Variants in WWOX observed in about 807,000 individuals in gnomAD.
WWOX encodes the protein WW domain-containing oxidoreductase.
A neutral mutation model predicts 46.2 loss-of-function variants in WWOX; 69 were observed. That is an observed-to-expected ratio of 1.49 (90% CI 1.23 to 1.82). The LOEUF is 1.82. Ranked by LOEUF, WWOX falls within the 40% of genes most tolerant of loss-of-function variation. WWOX has a pLI of 0.00. For synonymous variants in WWOX, 359 were observed against 202.6 expected, an observed-to-expected ratio of 1.77 and a Z score of -6.56; for missense variants, 919 against 542.6, an observed-to-expected ratio of 1.69 and a Z score of -6.89.
intron 8 of WWOX, among the ~76,000 whole-genome samples, chr16:79,184,928 G>T (rs2050983723): frequency 6.6e-6 from 1 of 152,208 alleles, no homozygotes; most frequent in African/African-American, 2.4e-5. Flanking sequence ...TGGCTGTAGG[G>T]ATTCTCCTTT....
intron 8 of WWOX, among the ~76,000 whole-genome samples, chr16:78,651,334 A>C (rs972677549): frequency 6.4e-4 from 97 of 152,264 alleles, no homozygotes; most frequent in African/African-American, 2.2e-3. Context: ...TTGTGTCTAC[A>C]GAAAAGATAT....
chr16:79,001,366 G>T (rs1329450049), intron 8 of WWOX, among the ~76,000 whole-genome samples: 1 of 152,026 alleles, frequency 6.6e-6, no homozygotes, highest in African/African-American at 2.4e-5. Context: ...GGATGCTGTT[G>T]AGTTTCTTCT....
intron 8 of WWOX, chr16:79,017,452 A>AAAAAAAAAAAG (rs1567488379): frequency 2.7e-5 from 4 of 147,798 alleles, no homozygotes; most frequent in African/African-American, 1.0e-4. Context: ...AAAAAAAAAA[A>AAAAAAAAAAAG]AAAAAAAAAA....
intron 5 of WWOX, chr16:78,265,920 A>G (rs1399365979): frequency 1.3e-5 from 2 of 152,206 alleles, no homozygotes; most frequent in African/African-American, 4.8e-5. Context: ...CTCAAAACAC[A>G]TTGATGAAGT....
At chr16:78,284,664 G>A (rs1255390308) in intron 5 of WWOX, among the ~76,000 whole-genome samples, 1 of 152,080 alleles carries the variant, frequency 6.6e-6, no homozygotes. Context: ...CATCATACTA[G>A]CCACACACAC....
At chr16:78,242,206 C>A (rs1241533670) in intron 5 of WWOX, among the ~76,000 whole-genome samples, 1 of 152,162 alleles carries the variant, frequency 6.6e-6, no homozygotes, top group Non-Finnish European at 1.5e-5. Context: ...GCTAAACAGC[C>A]ACTTTGTAAT....
At chr16:78,285,597 G>T (rs1024956483) in intron 5 of WWOX, among the ~76,000 whole-genome samples, 5 of 152,192 alleles carry the variant, frequency 3.3e-5, no homozygotes, top group African/African-American at 1.2e-4. Flanking sequence ...ATTGCTGGGG[G>T]AAGATTTTGC....
At chr16:78,874,471 A>C (rs530563400) in intron 8 of WWOX, among the ~76,000 whole-genome samples, 6 of 152,002 alleles carry the variant, frequency 3.9e-5, no homozygotes, top group African/African-American at 1.5e-4. Flanking sequence ...ATTTCAAAAA[A>C]TTATGGACTT....
At chr16:78,726,716 G>C (rs1177342951) in intron 8 of WWOX, among the ~76,000 whole-genome samples, 1 of 106,756 alleles carries the variant, frequency 9.4e-6, no homozygotes, top group Non-Finnish European at 1.8e-5. Flanking sequence ...GTTTTGTTTT[G>C]TTTTGTTCCT....
intron 8 of WWOX, among the ~76,000 whole-genome samples, chr16:78,575,079 A>T (rs1597291256): frequency 5.0e-5 from 2 of 40,304 alleles, no homozygotes; most frequent in Admixed American, 4.1e-4. Flanking sequence ...ATATATATAT[A>T]TATATATATA....
intron 3 of WWOX, among the ~76,000 whole-genome samples, chr16:78,110,339 CAA>C (rs34862048): frequency 0.27 from 23,272 of 84,754 alleles, 1,886 homozygotes; most frequent in Non-Finnish European, 0.34. Flanking sequence ...GACTCCTTCT[CAA>C]AAAAAAAAAA....
At chr16:78,666,725 A>G (rs2047340642) in intron 8 of WWOX, among the ~76,000 whole-genome samples, 1 of 152,208 alleles carries the variant, frequency 6.6e-6, no homozygotes. Flanking sequence ...CATCAGTTCC[A>G]TCTGCCTCTT....
chr16:78,578,168 A>G (rs1381418895), intron 8 of WWOX, among the ~76,000 whole-genome samples: 2 of 147,868 alleles, frequency 1.4e-5, no homozygotes, highest in Non-Finnish European at 3.0e-5. Flanking sequence ...TGCCTTTTTG[A>G]CAATTAAAAA....
At chr16:78,832,631 T>A (rs756316130) in intron 8 of WWOX, among the ~76,000 whole-genome samples, 9 of 152,140 alleles carry the variant, frequency 5.9e-5, no homozygotes, top group Non-Finnish European at 1.2e-4. Flanking sequence ...CTCTCCTTCC[T>A]GGATTAGAAA....
chr16:78,570,329 C>T (rs1212776431), intron 8 of WWOX, among the ~76,000 whole-genome samples: 2 of 152,056 alleles, frequency 1.3e-5, no homozygotes, highest in Non-Finnish European at 2.9e-5. Flanking sequence ...ACTAATGCAA[C>T]AATTTATTTT....
chr16:78,699,633 A>T (rs554550368), intron 8 of WWOX, among the ~76,000 whole-genome samples: 156 of 152,296 alleles, frequency 1.0e-3, no homozygotes, highest in African/African-American at 3.7e-3. Flanking sequence ...TTAATCAATG[A>T]TTATCAATGC....
chr16:78,527,834 T>A (rs1205427780), intron 8 of WWOX, among the ~76,000 whole-genome samples: 1 of 151,514 alleles, frequency 6.6e-6, no homozygotes, highest in African/African-American at 2.4e-5. Flanking sequence ...GAAAAGGTGC[T>A]ACTGGCATCT....
intron 8 of WWOX, among the ~76,000 whole-genome samples, chr16:78,931,694 G>C (rs1484976653): frequency 6.6e-6 from 1 of 152,208 alleles, no homozygotes; most frequent in Admixed American, 6.5e-5. Context: ...AGGGACAAGT[G>C]TTTAGTATTT....
intron 5 of WWOX, among the ~76,000 whole-genome samples, chr16:78,174,390 C>A (rs986454092): frequency 2.0e-5 from 3 of 152,100 alleles, no homozygotes; most frequent in African/African-American, 4.8e-5. Context: ...CAATTACCTC[C>A]CCCCGGGTCC....
Sources: gnomAD v4.1 joint callset for allele counts (sites outside exome capture counted in the v4.1 genomes callset) on GRCh38, gnomAD v4.1.1 for gene constraint, MANE v1.5 for transcripts, NCBI Gene and HGNC (gene_info 2026-07-23, HGNC 2026-07-21) for gene names.